The following SLCO1B3 variants were observed in gnomAD, a reference collection of about 807,000 sequenced individuals.
SLCO1B3 encodes liver-specific organic anion transporter 2.
In SLCO1B3, 72 loss-of-function variants were observed where a neutral mutation model predicts 71.8. That is an observed-to-expected ratio of 1.00 (90% CI 0.83 to 1.22). The LOEUF is 1.22. Ranked by LOEUF, SLCO1B3 falls within the 50% of genes most tolerant of loss-of-function variation. The pLI is 0.00. For synonymous variants in SLCO1B3, 298 were observed against 278.4 expected, an observed-to-expected ratio of 1.07 and a Z score of -0.70; for missense variants, 911 against 819.7, an observed-to-expected ratio of 1.11 and a Z score of -1.36.
intron 15 of SLCO1B3, among the ~76,000 whole-genome samples, chr12:20,909,912 G>T (rs554161172): frequency 2.6e-5 from 4 of 152,218 alleles, no homozygotes; most frequent in Non-Finnish European, 5.9e-5. Context: ...TGTGAATGTT[G>T]AACCTGTCTT....
intron 8 of SLCO1B3, among the ~76,000 whole-genome samples, chr12:20,868,536 G>A (rs1403649056): frequency 6.6e-6 from 1 of 152,116 alleles, no homozygotes; most frequent in Non-Finnish European, 1.5e-5. Context: ...CTGCTTTCAT[G>A]AGTTTGACTC....
intron 2 of SLCO1B3, 119 bp from the exon 3 acceptor site, chr12:20,815,552 TAGC>T (rs1864177635): frequency 4.1e-6 from 2 of 488,370 alleles, no homozygotes; most frequent in East Asian, 3.4e-5. Flanking sequence ...GGTCAGGAAA[TAGC>T]AGGCCCTGAA....
At chr12:20,875,128 G>T in intron 8 of SLCO1B3, 107 bp from the exon 9 acceptor site, 1 of 1,320,466 alleles carries the variant, frequency 7.6e-7, no homozygotes, top group East Asian at 2.3e-5. Context: ...TAAACATTTG[G>T]TTTACTTTCT....
At chr12:20,908,124 T>C (rs1866292531) in intron 15 of SLCO1B3, among the ~76,000 whole-genome samples, 1 of 152,174 alleles carries the variant, frequency 6.6e-6, no homozygotes. Context: ...AAAAGTGGAA[T>C]TTTAAAGTAT....
chr12:20,826,162 C>T (rs1244875753), intron 3 of SLCO1B3, among the ~76,000 whole-genome samples: 2 of 151,384 alleles, frequency 1.3e-5, no homozygotes, highest in African/African-American at 4.9e-5. Flanking sequence ...TTTCATAGAA[C>T]AATTAAAGCC....
intron 15 of SLCO1B3, among the ~76,000 whole-genome samples, chr12:20,912,460 C>T (rs770016778): frequency 4.7e-5 from 7 of 148,656 alleles, no homozygotes; most frequent in Middle Eastern, 3.4e-3. Context: ...TTCTGAGTAG[C>T]GGGGATTACA....
chr12:20,916,027 T>C lies in SLCO1B3; in HGVS notation c.1889T>C (p.Ile630Thr). ...FFGRVYLGLSIALRFPALVLY... is the reference protein window; with the variant it reads ...FFGRVYLGLSTALRFPALVLY... ...AGAAGGGTCTACTTGGGCTTATCTA[T>C]AGCTTTAAGATTCCCAGCACTTGTT... The change falls in exon 16 of 16, where the codon ATA becomes ACA. Residue 630 changes from isoleucine (I) to threonine (T), a missense_variant. Ile to Thr is a moderately conservative substitution (Grantham distance 89, BLOSUM62 -1). Transcript: ENST00000381545. 6.2e-7 allele frequency: 1 copy of C among 1,608,622 alleles called. No homozygotes were observed. The highest frequency in any genetic ancestry group is 8.5e-7 in the Non-Finnish European group (1 of 1,175,652).
In SLCO1B3 at chr12:20,822,136, G is replaced by T. The variant is rs1165154110; in HGVS notation, c.84+6314G>T. 7.9e-5 allele frequency among the ~76,000 whole-genome samples: 12 copies of T among 152,296 alleles called. 1 individual carries two copies. The South Asian group carries it at 2.5e-3, about 32-fold the overall frequency. ...CACGGAGCAAAGAGCAGGAGGACGG[G>T]GGATTGATCTCCCAAGGGAGGTCCC... On this transcript the variant is annotated intron_variant, in intron 3 of 15. Transcript: ENST00000381545.
intron 9 of SLCO1B3, among the ~76,000 whole-genome samples, chr12:20,875,905 C>A (rs4149130): frequency 0.72 from 109,865 of 151,610 alleles, 42,382 homozygotes; most frequent in South Asian, 0.9. Flanking sequence ...GATATTAAGA[C>A]GTATATAGAT....
At chr12:20,902,239 G>A (rs1012043236) in intron 15 of SLCO1B3, 4 of 169,010 alleles carry the variant, frequency 2.4e-5, no homozygotes, top group Non-Finnish European at 2.5e-5. Context: ...TTGAGAAATC[G>A]TCAGACTGCT....
At chr12:20,861,277 A>T in intron 6 of SLCO1B3, 139 bp downstream of exon 6, 2 of 714,176 alleles carry the variant, frequency 2.8e-6, no homozygotes, top group East Asian at 3.4e-5. Flanking sequence ...AGACAAAATC[A>T]TACTGTTAAT....
intron 3 of SLCO1B3, among the ~76,000 whole-genome samples, chr12:20,836,640 T>C (rs1864685707): frequency 6.6e-6 from 1 of 152,078 alleles, no homozygotes; most frequent in Non-Finnish European, 1.5e-5. Context: ...TTTCTGTTTT[T>C]TGTTTTGTTT....
At chr12:20,855,971 A>G (rs987273784) in intron 4 of SLCO1B3, among the ~76,000 whole-genome samples, 5 of 152,084 alleles carry the variant, frequency 3.3e-5, no homozygotes, top group Non-Finnish European at 7.4e-5. Context: ...CTGTATTTAC[A>G]CAATGCTTAA....
At chr12:20,858,616 A>G in intron 5 of SLCO1B3, 45 bp downstream of exon 5, 1 of 1,539,094 alleles carries the variant, frequency 6.5e-7, no homozygotes, top group Non-Finnish European at 8.8e-7. Flanking sequence ...AGCTACTTGT[A>G]AATTAGCAGT....
At chr12:20,834,407 A>G (rs1426407950) in intron 3 of SLCO1B3, among the ~76,000 whole-genome samples, 2 of 146,518 alleles carry the variant, frequency 1.4e-5, no homozygotes, top group Non-Finnish European at 3.0e-5. Context: ...TATATATAAT[A>G]TAACCTTTGG....
intron 13 of SLCO1B3, among the ~76,000 whole-genome samples, chr12:20,887,797 C>T (rs1865821992): frequency 6.6e-6 from 1 of 151,416 alleles, no homozygotes; most frequent in Non-Finnish European, 1.5e-5. Context: ...AATTTCTTTG[C>T]CTAGATCATT....
At chr12:20,818,905 G>C (rs574599679) in intron 3 of SLCO1B3, among the ~76,000 whole-genome samples, 2 of 128,410 alleles carry the variant, frequency 1.6e-5, no homozygotes, top group East Asian at 2.3e-4. Context: ...ATTGAAGTCC[G>C]GGCCAGGAAC....
intron 15 of SLCO1B3, among the ~76,000 whole-genome samples, chr12:20,908,296 C>T (rs145621650): frequency 1.3e-5 from 2 of 152,242 alleles, no homozygotes; most frequent in East Asian, 1.9e-4. Context: ...TGCCTGCTCC[C>T]GCATACATGC....
chr12:20,876,368 A>C (rs2121294939), intron 9 of SLCO1B3, among the ~76,000 whole-genome samples: 1 of 152,240 alleles, frequency 6.6e-6, no homozygotes, highest in Admixed American at 6.5e-5. Flanking sequence ...AAGTAGTAAA[A>C]CCTGAAGCAG....
Sources: allele counts gnomAD v4.1 joint callset (sites outside exome capture counted in the v4.1 genomes callset), GRCh38; gene constraint gnomAD v4.1.1; transcripts MANE v1.5; gene names NCBI Gene and HGNC (gene_info 2026-07-23, HGNC 2026-07-21).